COQ7: variants seen among roughly 807,000 people sequenced by gnomAD.
COQ7 encodes the protein coenzyme Q7, hydroxylase, also known as NADPH-dependent 3-demethoxyubiquinone 3-hydroxylase, mitochondrial.
Under a neutral mutation model 25.0 loss-of-function variants are expected in COQ7, and 21 were observed. The observed-to-expected ratio is 0.84, with a 90% CI of 0.60 to 1.21. COQ7 has a LOEUF of 1.21. COQ7 is among the 50% of genes most tolerant of loss of function. COQ7 has a pLI of 0.00. For synonymous variants in COQ7, 125 were observed against 112.4 expected, an observed-to-expected ratio of 1.11 and a Z score of -0.71; for missense variants, 311 against 296.2, an observed-to-expected ratio of 1.05 and a Z score of -0.37.
In COQ7 at chr16:19,078,182, A is replaced by G; in HGVS notation, c.*24A>G. ...AAAGTGTGTCCAGTTTTGCCTGTCT[A>G]TAAAAGATGATAGTAATTTACCAAG... On this transcript the variant is annotated 3_prime_UTR_variant, in exon 6 of 6. Coordinates refer to ENST00000321998, the MANE Select transcript of COQ7 (RefSeq NM_016138.5). The G allele has an allele frequency of 6.4e-7, 1 of 1,570,274 alleles. No individual in the cohort carries two copies. The highest frequency in any genetic ancestry group is 1.1e-5 in the South Asian group (1 of 87,778).
At position 19,078,301 on chromosome 16, in the gene COQ7, TA is replaced by T. The variant is rs776471500; in HGVS notation, c.*146del. On this transcript the variant is annotated 3_prime_UTR_variant, in exon 6 of 6. Coordinates refer to ENST00000321998, the MANE Select transcript of COQ7 (RefSeq NM_016138.5). ...ATTATAAGGTTTGTTTTTTTTTTTT[TA>T]AACTCTGCAGTGTTGATTTTTCTCT... The T allele has an allele frequency of 3.3e-6, 2 of 608,184 alleles. No homozygotes were observed. Among genetic ancestry groups the T allele is most frequent in the Non-Finnish European group, 5.1e-6 (2 of 391,952 alleles). The allele number at this position is 608,184 out of a possible 1,614,324, so 37.7% of individuals were successfully genotyped here. A position where few individuals can be genotyped will look rare whatever the true frequency, so the allele number is the denominator to read the frequency against.
At chr16:19,070,134 C>T (rs761403092) in intron 1 of COQ7, among the ~76,000 whole-genome samples, 33 of 151,980 alleles carry the variant, frequency 2.2e-4, no homozygotes, top group Non-Finnish European at 4.4e-4. Flanking sequence ...AGGATCATGG[C>T]GAGGAGTAGA....
At chr16:19,081,736 G>T (rs1205790456), downstream of COQ7, among the ~76,000 whole-genome samples, 2 of 152,164 alleles carry the variant, frequency 1.3e-5, no homozygotes, top group Admixed American at 6.6e-5. Context: ...ATCCTATTAT[G>T]ATTTGTTTTT....
At chr16:19,068,856 C>T (rs1435413056) in intron 1 of COQ7, 1 of 450,852 alleles carries the variant, frequency 2.2e-6, no homozygotes, top group Non-Finnish European at 4.4e-6. Flanking sequence ...GAATGGGAAG[C>T]CAGTGCCACT....
chr16:19,073,950 G>A lies in COQ7; in HGVS notation c.282G>A (p.Leu94=). The change falls in exon 3 of 6, where the codon TTG becomes TTA. Residue 94 remains leucine, a synonymous_variant. Coordinates refer to ENST00000321998, the MANE Select transcript of COQ7 (RefSeq NM_016138.5). ...TGTGGGATCAAGAAAAGGACCATTT[G>A]AAAAAGTTCAATGAGTTGATGGTTA... ...QKMWDQEKDH[L]KKFNELMVTF... 3 of 1,613,802 alleles carry A rather than the reference G, an allele frequency of 1.9e-6. No homozygotes were observed. Among genetic ancestry groups the A allele is most frequent in the Non-Finnish European group, 2.5e-6 (3 of 1,179,896 alleles).
chr16:19,076,004 A>G (rs1962819083), intron 4 of COQ7, 144 bp downstream of exon 4: 3 of 1,081,788 alleles, frequency 2.8e-6, no homozygotes, highest in Non-Finnish European at 2.7e-6. Context: ...AAGGTGAGCA[A>G]ACTGAGGAAC....
At chr16:19,081,522 A>C (rs149804856), downstream of COQ7, among the ~76,000 whole-genome samples, 231 of 152,334 alleles carry the variant, frequency 1.5e-3, no homozygotes, top group African/African-American at 5.2e-3. Flanking sequence ...GACCTCAAGA[A>C]GAGAGGAATT....
At position 19,067,676 on chromosome 16, in the gene COQ7, CG is replaced by C; in HGVS notation, c.16del (p.Ala6ArgfsTer34). The C allele has an allele frequency of 6.2e-7, 1 of 1,612,120 alleles. No individual in the cohort carries two copies. The highest frequency in any genetic ancestry group is 8.5e-7 in the Non-Finnish European group (1 of 1,179,284). On this transcript the variant is annotated frameshift_variant, in exon 1 of 6. Transcript: ENST00000321998. LOFTEE classifies it high-confidence loss of function. ...TTTTAGTTCCGGCAATGAGTTGCGCCGGGGCGGCGGCGGCTCCCCGCCTTTG... is the reference window on the plus strand; with the variant it reads ...TTTTAGTTCCGGCAATGAGTTGCGCCGGGCGGCGGCGGCTCCCCGCCTTTG... MSCA[G>X]AAAAPRLWRL...
At chr16:19,077,425 C>T in intron 5 of COQ7, 51 bp downstream of exon 5, 1 of 1,491,074 alleles carries the variant, frequency 6.7e-7, no homozygotes, top group Non-Finnish European at 9.3e-7. Flanking sequence ...ATTTGGGAGG[C>T]TGAAGGGGCA....
chr16:19,068,643 C>CT (rs1379561000), intron 1 of COQ7: 2 of 245,434 alleles, frequency 8.1e-6, no homozygotes, highest in Admixed American at 6.1e-5. Context: ...CAGAGCGAGA[C>CT]TTTGTCTCCC....
At chr16:19,074,865 G>A (rs368552795) in intron 3 of COQ7, among the ~76,000 whole-genome samples, 4 of 152,176 alleles carry the variant, frequency 2.6e-5, no homozygotes, top group African/African-American at 9.6e-5. Context: ...ATTATAAATA[G>A]AAAATACAGT....
rs2142370310 is a variant in COQ7, at chr16:19,071,943, C to T, written c.89C>T (p.Thr30Ile). ...RRSLSAYGRR[T>I]SVRFRSSGMT... The stretch of plus-strand genomic sequence containing the variant: ...TGCATTTCAGCTTATGGAAGAAGAA[C>T]CAGTGTCAGATTTCGCAGTTCAGGA... The change falls in exon 2 of 6, where the codon ACC (threonine) becomes ATC (isoleucine). Residue 30 changes from threonine (T) to isoleucine (I), a missense_variant. Physicochemically the swap from Thr to Ile is moderately conservative, Grantham distance 89. Coordinates refer to ENST00000321998, the MANE Select transcript of COQ7 (RefSeq NM_016138.5). The T allele has an allele frequency of 6.2e-7, 1 of 1,614,184 alleles. No individual in the cohort carries two copies. The highest frequency in any genetic ancestry group is 1.6e-4 in the Middle Eastern group (1 of 6,062).
intron 5 of COQ7, 118 bp downstream of exon 5, chr16:19,077,492 A>C (rs985995750): frequency 1.2e-5 from 9 of 765,918 alleles, no homozygotes; most frequent in African/African-American, 8.8e-5. Flanking sequence ...GGGAGAGAAA[A>C]CCAATGACGT....
At chr16:19,073,816 G>A (rs1181283130) in intron 2 of COQ7, 105 bp from the exon 3 acceptor site, 1 of 745,334 alleles carries the variant, frequency 1.3e-6, no homozygotes, top group Non-Finnish European at 2.3e-6. Flanking sequence ...GGAGACAGCA[G>A]TTCCATCATT....
intron 1 of COQ7, among the ~76,000 whole-genome samples, chr16:19,070,266 A>C (rs1165104634): frequency 6.6e-6 from 1 of 152,114 alleles, no homozygotes; most frequent in African/African-American, 2.4e-5. Context: ...TCACCAACCC[A>C]CCTCACTACC....
intron 1 of COQ7, chr16:19,068,093 C>A: frequency 9.0e-7 from 1 of 1,110,958 alleles, no homozygotes; most frequent in South Asian, 3.0e-5. Flanking sequence ...TAGTCTTTGC[C>A]CAGGGCCTTG....
chr16:19,076,817 C>T (rs1451478151), intron 4 of COQ7, among the ~76,000 whole-genome samples: 4 of 152,058 alleles, frequency 2.6e-5, no homozygotes, highest in Non-Finnish European at 5.9e-5. Flanking sequence ...GTCTGGAACT[C>T]CTGACCTCAG....
At chr16:19,075,376 A>G (rs1047846873) in intron 3 of COQ7, among the ~76,000 whole-genome samples, 1 of 151,856 alleles carries the variant, frequency 6.6e-6, no homozygotes, top group Non-Finnish European at 1.5e-5. Context: ...TAATTTTTGT[A>G]TTTTTAGTAG....
chr16:19,079,417 C>T lies in COQ7; in HGVS notation c.*1259C>T, dbSNP rs1359060009. ...CCACCTCCCCCCCAAAAAAATCCCC[C>T]AAAACTGATTCAGATTTTCATACTT... is the stretch of plus-strand genomic sequence containing the variant. On this transcript the variant is annotated 3_prime_UTR_variant, in exon 6 of 6. Coordinates refer to ENST00000321998, the MANE Select transcript of COQ7 (RefSeq NM_016138.5). 6.6e-6 allele frequency: 1 copy of T among 151,450 alleles called. No individual in the cohort carries two copies. The highest frequency in any genetic ancestry group is 2.4e-5 in the African/African-American group (1 of 41,154). 9.4% of individuals were successfully genotyped at this position (151,450 alleles called of 1,614,324 possible).
Sources: allele counts gnomAD v4.1 joint callset (sites outside exome capture counted in the v4.1 genomes callset), GRCh38; gene constraint gnomAD v4.1.1; transcripts MANE v1.5; gene names NCBI Gene and HGNC (gene_info 2026-07-23, HGNC 2026-07-21).